TAFA1: variants seen among roughly 807,000 people sequenced by gnomAD.
TAFA1 encodes chemokine-like protein TAFA-1.
TAFA1 carries 4 observed loss-of-function variants against 18.5 expected under a neutral mutation model. The ratio of observed to expected loss-of-function variants is 0.22; its 90% CI spans 0.11 to 0.49. TAFA1 has a LOEUF of 0.49. Ranked by LOEUF, TAFA1 falls within the 20% of genes least tolerant of loss-of-function variation. TAFA1 has a pLI of 0.98. For missense variants in TAFA1, 147 were observed against 169.0 expected, an observed-to-expected ratio of 0.87 and a Z score of 0.72; for synonymous variants, 56 against 55.2, an observed-to-expected ratio of 1.01 and a Z score of -0.06.
At chr3:68,248,741 G>GGCGGGGC (rs2067134093) in intron 2 of TAFA1, among the ~76,000 whole-genome samples, 1 of 133,708 alleles carries the variant, frequency 7.5e-6, no homozygotes, top group Non-Finnish European at 1.6e-5. Context: ...GGGGGCGGGG[G>GGCGGGGC]GCGGGGGCTG....
At chr3:68,079,293 T>A (rs1276621558) in intron 2 of TAFA1, among the ~76,000 whole-genome samples, 1 of 152,172 alleles carries the variant, frequency 6.6e-6, no homozygotes, top group African/African-American at 2.4e-5. Flanking sequence ...TTTGAAGGGT[T>A]TTTTGTGTCT....
At chr3:68,051,165 T>C (rs1045423764) in intron 2 of TAFA1, among the ~76,000 whole-genome samples, 1 of 152,118 alleles carries the variant, frequency 6.6e-6, no homozygotes, top group Non-Finnish European at 1.5e-5. Context: ...GGAGATGGAC[T>C]GCATAGGCTA....
At chr3:68,014,268 T>G (rs1292331702) in intron 2 of TAFA1, among the ~76,000 whole-genome samples, 1 of 152,220 alleles carries the variant, frequency 6.6e-6, no homozygotes, top group African/African-American at 2.4e-5. Context: ...AACAGTATAC[T>G]GCATTAGGAT....
chr3:68,002,974 T>C (rs139999651), upstream of TAFA1, among the ~76,000 whole-genome samples: 9 of 152,364 alleles, frequency 5.9e-5, no homozygotes, highest in African/African-American at 2.2e-4. Flanking sequence ...TATTTTTTTA[T>C]CTTGATGCTG....
rs915459152 is a variant in TAFA1, at chr3:68,538,699, C to G, written c.260-57C>G. On this transcript the variant is annotated intron_variant, in intron 3 of 4. Coordinates refer to ENST00000478136, the MANE Select transcript of TAFA1 (RefSeq NM_213609.4). ...GAAAATCTGCAGAGGGACACAACGT[C>G]AGTGTTCAGGTTGTTTGGATGAATT... 5 of 1,584,560 alleles carry G rather than the reference C, an allele frequency of 3.2e-6. No individual in the cohort carries two copies. In the South Asian group the frequency reaches 4.5e-5, roughly 14 times the overall value.
intron 2 of TAFA1, among the ~76,000 whole-genome samples, chr3:68,380,573 A>C (rs2069925656): frequency 6.6e-6 from 1 of 152,110 alleles, no homozygotes; most frequent in Non-Finnish European, 1.5e-5. Context: ...TCTTCTTTTG[A>C]GAAGTGTCTG....
intron 2 of TAFA1, among the ~76,000 whole-genome samples, chr3:68,229,932 C>T (rs2066850390): frequency 6.6e-6 from 1 of 152,092 alleles, no homozygotes; most frequent in South Asian, 2.1e-4. Flanking sequence ...AGCACAGGAC[C>T]TATGGTGATG....
chr3:68,434,321 TTC>T (rs2071232622), intron 3 of TAFA1, among the ~76,000 whole-genome samples: 2 of 152,120 alleles, frequency 1.3e-5, no homozygotes, highest in African/African-American at 4.8e-5. Context: ...CTGTACTTCT[TTC>T]TGTCTAAATA....
chr3:68,375,315 A>G (rs534379401), intron 2 of TAFA1, among the ~76,000 whole-genome samples: 9 of 152,088 alleles, frequency 5.9e-5, no homozygotes, highest in Admixed American at 5.2e-4. Flanking sequence ...ACTTTTTATT[A>G]CCATGCAACT....
At chr3:68,212,473 C>T (rs1213852821) in intron 2 of TAFA1, among the ~76,000 whole-genome samples, 1 of 151,872 alleles carries the variant, frequency 6.6e-6, no homozygotes, top group African/African-American at 2.4e-5. Flanking sequence ...TCTTTGTTCC[C>T]CTTTTTGTCT....
At chr3:68,429,323 T>A (rs2071121016) in intron 3 of TAFA1, among the ~76,000 whole-genome samples, 1 of 151,920 alleles carries the variant, frequency 6.6e-6, no homozygotes, top group South Asian at 2.1e-4. Context: ...GTGTATTGAA[T>A]TTATTACTTA....
At chr3:68,359,851 T>C (rs544788156) in intron 2 of TAFA1, among the ~76,000 whole-genome samples, 1 of 152,104 alleles carries the variant, frequency 6.6e-6, no homozygotes, top group Non-Finnish European at 1.5e-5. Context: ...ACCACTTTTC[T>C]AGTTTTATAA....
intron 3 of TAFA1, among the ~76,000 whole-genome samples, chr3:68,433,513 A>G (rs2071216493): frequency 6.6e-6 from 1 of 152,044 alleles, no homozygotes. Context: ...TTTTAATACT[A>G]TCTTTATTTC....
intron 2 of TAFA1, among the ~76,000 whole-genome samples, chr3:68,181,817 A>G (rs2066205299): frequency 6.6e-6 from 1 of 152,204 alleles, no homozygotes; most frequent in Non-Finnish European, 1.5e-5. Flanking sequence ...CATCTGTAAA[A>G]TAGGGTGAAA....
intron 2 of TAFA1, among the ~76,000 whole-genome samples, chr3:68,386,770 C>T (rs1453217251): frequency 2.0e-5 from 3 of 152,106 alleles, no homozygotes; most frequent in East Asian, 1.9e-4. Context: ...CTTATAGAAA[C>T]GTGTGTAGCT....
intron 3 of TAFA1, among the ~76,000 whole-genome samples, chr3:68,532,889 TAATA>T (rs1420416691): frequency 2.0e-5 from 3 of 149,492 alleles, no homozygotes; most frequent in Non-Finnish European, 4.5e-5. Context: ...AAAATAATAA[TAATA>T]ATAATAATAA....
intron 2 of TAFA1, among the ~76,000 whole-genome samples, chr3:68,083,519 G>T (rs922641055): frequency 1.3e-5 from 2 of 152,254 alleles, no homozygotes; most frequent in African/African-American, 4.8e-5. Flanking sequence ...TCATTTAGTG[G>T]CATGGAACAG....
At chr3:68,102,914 C>G (rs1416659864) in intron 2 of TAFA1, among the ~76,000 whole-genome samples, 1 of 152,182 alleles carries the variant, frequency 6.6e-6, no homozygotes, top group Non-Finnish European at 1.5e-5. Context: ...AACCAGTGTC[C>G]TCCTACCCAA....
intron 2 of TAFA1, among the ~76,000 whole-genome samples, chr3:68,162,298 GT>G (rs1443542998): frequency 6.6e-6 from 1 of 152,086 alleles, no homozygotes; most frequent in Non-Finnish European, 1.5e-5. Flanking sequence ...TTGGGGGATG[GT>G]TTCAGGATGA....
Sources: gnomAD v4.1 joint callset for allele counts (sites outside exome capture counted in the v4.1 genomes callset) on GRCh38, gnomAD v4.1.1 for gene constraint, MANE v1.5 for transcripts, NCBI Gene and HGNC (gene_info 2026-07-23, HGNC 2026-07-21) for gene names.